The following DCHS2 variants were observed in gnomAD, a reference collection of about 807,000 sequenced individuals.
The protein encoded by DCHS2 is protocadherin-23.
A neutral mutation model predicts 182.4 loss-of-function variants in DCHS2; 142 were observed. The observed-to-expected ratio is 0.78, with a 90% confidence interval of 0.68 to 0.89. The LOEUF (loss-of-function observed/expected upper bound fraction) is 0.89, where lower values mean the gene tolerates loss of function less well. DCHS2 is among the 40% of genes least tolerant of loss of function. The pLI, the probability that DCHS2 is intolerant of heterozygous loss-of-function variation, is 0.00. For missense variants in DCHS2, 4,319 were observed against 4,198.6 expected, an observed-to-expected ratio of 1.03 and a Z score of -0.79; for synonymous variants, 1,740 against 1,663.3, an observed-to-expected ratio of 1.05 and a Z score of -1.12.
At chr4:154,432,006 G>T (rs1331280560) in intron 1 of DCHS2, among the ~76,000 whole-genome samples, 1 of 152,140 alleles carries the variant, frequency 6.6e-6, no homozygotes, top group Admixed American at 6.5e-5. Context: ...TGTTTATAAA[G>T]AAGGGAATGC....
intron 1 of DCHS2, among the ~76,000 whole-genome samples, chr4:154,419,821 CAAA>C (rs369876828): frequency 2.4e-5 from 3 of 122,558 alleles, no homozygotes; most frequent in Non-Finnish European, 3.3e-5. Context: ...AGAACAAGAC[CAAA>C]AAAAAAAAAA....
At position 154,235,290 on chromosome 4, in the gene DCHS2, G is replaced by A; in HGVS notation, c.9362C>T (p.Ser3121Leu). The part of the protein sequence containing the change: ...NEHPYRKCSD[S>L]ALSDHESRVP... ...CCTGGACTCGTGGTCACTCAGAGCT[G>A]AGTCTGAGCACTTTCTGTAGGGATG... The change falls in exon 20 of 20, where the codon TCA becomes TTA. Residue 3121 changes from serine to leucine, a missense_variant. Transcript: ENST00000357232. The A allele has an allele frequency of 1.2e-6, 2 of 1,614,086 alleles. No homozygotes were observed. Among genetic ancestry groups the A allele is most frequent in the Non-Finnish European group, 1.7e-6 (2 of 1,179,970 alleles).
chr4:154,391,422 G>A, intron 1 of DCHS2: 4 of 1,368,160 alleles, frequency 2.9e-6, no homozygotes, highest in East Asian at 5.1e-5. Context: ...CATAAAGAAA[G>A]CGTTCAAAAC....
At chr4:154,381,773 A>G (rs1731180178) in intron 1 of DCHS2, among the ~76,000 whole-genome samples, 1 of 152,142 alleles carries the variant, frequency 6.6e-6, no homozygotes, top group East Asian at 1.9e-4. Context: ...CACTGCTGAA[A>G]GAAATCACAG....
chr4:154,242,998 A>G (rs531885718), intron 16 of DCHS2, among the ~76,000 whole-genome samples: 2 of 152,310 alleles, frequency 1.3e-5, no homozygotes, highest in East Asian at 3.9e-4. Context: ...GCAAGCTGCC[A>G]GGGATCATGA....
At chr4:154,268,008 A>AC (rs1259096759) in intron 14 of DCHS2, among the ~76,000 whole-genome samples, 2 of 151,952 alleles carry the variant, frequency 1.3e-5, no homozygotes, top group East Asian at 3.9e-4. Flanking sequence ...CAAGTCTTCC[A>AC]CCCCCAAATT....
chr4:154,240,705 C>G lies in DCHS2; in HGVS notation c.7191G>C (p.Gln2397His), dbSNP rs772520710. 1 of 1,613,992 alleles carries G rather than the reference C, an allele frequency of 6.2e-7. No homozygotes were observed. The highest frequency in any genetic ancestry group is 8.5e-7 in the Non-Finnish European group (1 of 1,179,926). The change falls in exon 18 of 20, where the codon CAG becomes CAC. Residue 2397 changes from glutamine to histidine, a missense_variant. Transcript: ENST00000357232. ...TCACCAACACCACCACTCCAGTGTT[C>G]TGATCAATAGCAAACTTGGTTCCAG... ...SNPGTKFAID[Q>H]NTGVVVLVKT...
intron 13 of DCHS2, among the ~76,000 whole-genome samples, chr4:154,293,590 G>A (rs1444743458): frequency 7.9e-5 from 12 of 152,290 alleles, no homozygotes; most frequent in South Asian, 6.2e-4. Context: ...TTGGAAACAC[G>A]TGAGAAGCAC....
chr4:154,286,933 G>C (rs1039416369), intron 13 of DCHS2, among the ~76,000 whole-genome samples: 18 of 151,956 alleles, frequency 1.2e-4, no homozygotes, highest in African/African-American at 4.4e-4. Flanking sequence ...CAAATGTCAA[G>C]GATAAAGAAA....
Position 154,489,724 on chromosome 4 carries a change from G to A in DCHS2, c.1632C>T (p.Tyr544=). Residue 544 remains tyrosine (Y), a synonymous_variant, in exon 1 of 20, where the codon TAC becomes TAT. Coordinates refer to ENST00000357232, the MANE Select transcript of DCHS2 (RefSeq NM_001358235.2). ...DQPPLFSQQH[Y]KASVSEAAAP... Reference sequence around the variant, plus strand: ...CCGCGGCCTCGGACACTGAGGCCTTGTAATGCTGTTGGCTGAAGAGAGGTG... The same window carrying A: ...CCGCGGCCTCGGACACTGAGGCCTTATAATGCTGTTGGCTGAAGAGAGGTG... 6.4e-7 allele frequency: 1 copy of A among 1,551,688 alleles called. No individual in the cohort carries two copies. Among genetic ancestry groups the A allele is most frequent in the Non-Finnish European group, 8.7e-7 (1 of 1,146,964 alleles).
chr4:154,460,372 G>A (rs984312002), intron 1 of DCHS2, among the ~76,000 whole-genome samples: 14 of 152,136 alleles, frequency 9.2e-5, no homozygotes, highest in African/African-American at 3.4e-4. Context: ...TGTTTCCTGA[G>A]ACATTTGTAA....
intron 1 of DCHS2, among the ~76,000 whole-genome samples, chr4:154,469,854 T>G (rs1171920151): frequency 1.3e-5 from 2 of 152,276 alleles, no homozygotes; most frequent in South Asian, 4.1e-4. Context: ...TCCTTCCTAC[T>G]CTCAATAAGA....
intron 1 of DCHS2, among the ~76,000 whole-genome samples, chr4:154,472,221 T>C (rs1579114727): frequency 6.6e-6 from 1 of 152,210 alleles, no homozygotes; most frequent in Admixed American, 6.5e-5. Context: ...CTTTATCCCC[T>C]TGACAATGAT....
At chr4:154,243,000 G>T (rs1488113547) in intron 16 of DCHS2, among the ~76,000 whole-genome samples, 1 of 152,056 alleles carries the variant, frequency 6.6e-6, no homozygotes, top group African/African-American at 2.4e-5. Context: ...AAGCTGCCAG[G>T]GATCATGAGG....
At position 154,490,081 on chromosome 4, in the gene DCHS2, A is replaced by T. The variant is rs1199411123; in HGVS notation, c.1275T>A (p.Arg425=). 1.3e-6 allele frequency: 2 copies of T among 1,549,414 alleles called. No individual in the cohort carries two copies. The highest frequency in any genetic ancestry group is 4.9e-5 in the East Asian group (2 of 40,814). ...VLFLTEGGVA[R]VSEGARPGDY... ...CGCCCGGTCGGGCGCCTTCAGAGAC[A>T]CGGGCGACGCCTCCCTCTGTGAGAA... Residue 425 remains arginine (R), a synonymous_variant, in exon 1 of 20, where the codon CGT becomes CGA. Transcript: ENST00000357232.
At chr4:154,374,092 C>T (rs1222983645) in intron 2 of DCHS2, 1 of 706,136 alleles carries the variant, frequency 1.4e-6, no homozygotes, top group Non-Finnish European at 2.3e-6. Flanking sequence ...GTCAAAATTC[C>T]CAATGCACTT....
At position 154,242,683 on chromosome 4, in the gene DCHS2, G is replaced by A. The variant is rs1223331623; in HGVS notation, c.7031C>T (p.Ala2344Val). 1 of 1,612,932 alleles carries A rather than the reference G, an allele frequency of 6.2e-7. No homozygotes were observed. The highest frequency in any genetic ancestry group is 2.2e-5 in the East Asian group (1 of 44,804). Reference sequence around the variant, plus strand: ...TGCTTCAGAGGGGAGAAAAGCTGGGGCATTGTCATTTATATCAGTCACCTG... The same window carrying A: ...TGCTTCAGAGGGGAGAAAAGCTGGGACATTGTCATTTATATCAGTCACCTG... ...KVQVTDINDN[A>V]PAFLPSEAVE... The change falls in exon 17 of 20, where the codon GCC becomes GTC. Residue 2344 changes from alanine (A) to valine (V), a missense_variant. Physicochemically the swap from Ala to Val is moderately conservative, Grantham distance 64. Transcript: ENST00000357232.
At chr4:154,302,044 A>G (rs937296858) in intron 12 of DCHS2, among the ~76,000 whole-genome samples, 1 of 152,212 alleles carries the variant, frequency 6.6e-6, no homozygotes, top group African/African-American at 2.4e-5. Flanking sequence ...GAAGTCTTAA[A>G]TTTATCCACA....
intron 1 of DCHS2, 77 bp downstream of exon 1, chr4:154,489,227 A>G: frequency 8.1e-7 from 1 of 1,232,528 alleles, no homozygotes; most frequent in Non-Finnish European, 1.1e-6. Flanking sequence ...TCCACATCAC[A>G]ATTTCCTAGG....
Sources: gnomAD v4.1 joint callset for allele counts (sites outside exome capture counted in the v4.1 genomes callset) on GRCh38, gnomAD v4.1.1 for gene constraint, MANE v1.5 for transcripts, NCBI Gene and HGNC (gene_info 2026-07-23, HGNC 2026-07-21) for gene names.